PTPRM: variants seen among roughly 807,000 people sequenced by gnomAD.
PTPRM encodes the protein receptor-type tyrosine-protein phosphatase mu.
Under a neutral mutation model 186.7 loss-of-function variants are expected in PTPRM, and 47 were observed. The ratio of observed to expected loss-of-function variants is 0.25; its 90% CI spans 0.20 to 0.32. The LOEUF (loss-of-function observed/expected upper bound fraction) is 0.32. PTPRM is among the 10% of genes least tolerant of loss of function. The pLI is 1.00. For missense variants in PTPRM, 1,494 were observed against 1,865.0 expected, an observed-to-expected ratio of 0.80 and a Z score of 3.66; for synonymous variants, 668 against 674.9, an observed-to-expected ratio of 0.99 and a Z score of 0.16.
intron 9 of PTPRM, among the ~76,000 whole-genome samples, chr18:8,080,601 T>C (rs1483972044): frequency 1.3e-5 from 2 of 152,016 alleles, no homozygotes; most frequent in Admixed American, 6.6e-5. Flanking sequence ...CATTCAAGAG[T>C]CTAGAGTTGA....
At chr18:8,388,565 A>C (rs566677076) in intron 31 of PTPRM, among the ~76,000 whole-genome samples, 1 of 152,340 alleles carries the variant, frequency 6.6e-6, no homozygotes, top group South Asian at 2.1e-4. Flanking sequence ...GTTGTCTTCA[A>C]CCAGAAGTTC....
At chr18:8,218,026 A>C (rs1568542927) in intron 14 of PTPRM, among the ~76,000 whole-genome samples, 1 of 152,190 alleles carries the variant, frequency 6.6e-6, no homozygotes, top group Non-Finnish European at 1.5e-5. Context: ...GCCCGTTCCC[A>C]CATAGAGAGC....
At chr18:7,579,076 G>A (rs935125452) in intron 1 of PTPRM, among the ~76,000 whole-genome samples, 5 of 152,118 alleles carry the variant, frequency 3.3e-5, no homozygotes, top group Non-Finnish European at 5.9e-5. Context: ...ATGTGTATGT[G>A]GTTATGTATG....
intron 20 of PTPRM, among the ~76,000 whole-genome samples, chr18:8,301,481 C>T (rs767533493): frequency 4.5e-4 from 69 of 152,202 alleles, no homozygotes; most frequent in Non-Finnish European, 9.0e-4. Context: ...GCTCCTCTTT[C>T]TAGGGACTGG....
At chr18:8,002,923 A>G (rs1397394403) in intron 7 of PTPRM, among the ~76,000 whole-genome samples, 1 of 152,102 alleles carries the variant, frequency 6.6e-6, no homozygotes, top group African/African-American at 2.4e-5. Context: ...TATTTTTTTT[A>G]ATTCCAAATG....
chr18:7,951,106 A>G (rs1004196421), intron 6 of PTPRM, among the ~76,000 whole-genome samples: 1 of 152,176 alleles, frequency 6.6e-6, no homozygotes, highest in East Asian at 1.9e-4. Context: ...TTTATTTGTG[A>G]TGAGACTTGA....
intron 1 of PTPRM, among the ~76,000 whole-genome samples, chr18:7,617,691 G>A (rs183239998): frequency 6.6e-5 from 10 of 152,276 alleles, no homozygotes; most frequent in African/African-American, 1.9e-4. Context: ...GTGTAAATAT[G>A]CATTTTTAAA....
chr18:8,264,537 G>T (rs1260845749), intron 19 of PTPRM, among the ~76,000 whole-genome samples: 1 of 152,024 alleles, frequency 6.6e-6, no homozygotes, highest in Non-Finnish European at 1.5e-5. Flanking sequence ...TTGGGAGGCC[G>T]AGGCGGGCAG....
At chr18:7,945,224 C>G (rs867065417) in intron 5 of PTPRM, among the ~76,000 whole-genome samples, 1 of 150,328 alleles carries the variant, frequency 6.7e-6, no homozygotes, top group Middle Eastern at 3.2e-3. Flanking sequence ...GAGGCTGAGG[C>G]GGGCAGATCA....
intron 1 of PTPRM, among the ~76,000 whole-genome samples, chr18:7,604,075 A>T (rs1165448935): frequency 6.6e-6 from 1 of 152,208 alleles, no homozygotes; most frequent in Non-Finnish European, 1.5e-5. Context: ...CATTTGATGT[A>T]TTGATCAGTG....
At chr18:7,665,429 C>T (rs9946325) in intron 1 of PTPRM, among the ~76,000 whole-genome samples, 46,749 of 152,006 alleles carry the variant, frequency 0.31, 10,298 homozygotes, top group African/African-American at 0.62. Context: ...ATGCATTTTA[C>T]TTATTACCTC....
At chr18:7,608,119 C>A (rs1414206718) in intron 1 of PTPRM, among the ~76,000 whole-genome samples, 1 of 152,188 alleles carries the variant, frequency 6.6e-6, no homozygotes, top group Admixed American at 6.5e-5. Context: ...GACTGATATT[C>A]ACATCAAAGG....
intron 2 of PTPRM, among the ~76,000 whole-genome samples, chr18:7,788,049 T>C (rs1466651520): frequency 6.6e-6 from 1 of 152,192 alleles, no homozygotes; most frequent in Non-Finnish European, 1.5e-5. Flanking sequence ...GCAGATACTT[T>C]GAAAACGACT....
chr18:7,618,288 GTGT>G (rs1197181399), intron 1 of PTPRM, among the ~76,000 whole-genome samples: 1 of 152,128 alleles, frequency 6.6e-6, no homozygotes, highest in Non-Finnish European at 1.5e-5. Context: ...GCTTAGAAAG[GTGT>G]TGTAATCAAC....
chr18:7,687,037 C>T (rs991386795), intron 1 of PTPRM, among the ~76,000 whole-genome samples: 1 of 152,116 alleles, frequency 6.6e-6, no homozygotes, highest in Non-Finnish European at 1.5e-5. Flanking sequence ...TTGCTTCTGG[C>T]TTATTCAAAA....
intron 23 of PTPRM, among the ~76,000 whole-genome samples, chr18:8,363,030 C>T (rs1021737173): frequency 6.6e-6 from 1 of 152,224 alleles, no homozygotes. Context: ...TCCTTGCTCT[C>T]TGCATCCCCA....
chr18:7,570,125 CA>C (rs1334928824), intron 1 of PTPRM, among the ~76,000 whole-genome samples: 1 of 149,882 alleles, frequency 6.7e-6, no homozygotes, highest in East Asian at 1.9e-4. Context: ...GAATCCGTCT[CA>C]AAAAAAAAGT....
At chr18:8,234,265 G>A (rs2094319165) in intron 14 of PTPRM, among the ~76,000 whole-genome samples, 1 of 152,096 alleles carries the variant, frequency 6.6e-6, no homozygotes, top group African/African-American at 2.4e-5. Flanking sequence ...TCTTTCATCA[G>A]AATTTTACAG....
intron 23 of PTPRM, among the ~76,000 whole-genome samples, chr18:8,354,228 A>G (rs603810): frequency 0.81 from 120,932 of 150,046 alleles, 50,066 homozygotes; most frequent in Middle Eastern, 0.97. Context: ...AAAAAAAAGT[A>G]TAATGCAAAG....
Sources: gnomAD v4.1 joint callset for allele counts (sites outside exome capture counted in the v4.1 genomes callset) on GRCh38, gnomAD v4.1.1 for gene constraint, MANE v1.5 for transcripts, NCBI Gene and HGNC (gene_info 2026-07-23, HGNC 2026-07-21) for gene names.